XPO7: variants seen among roughly 807,000 people sequenced by gnomAD.
XPO7 encodes exportin 7, also known as exportin-7.
Under a neutral mutation model 144.3 loss-of-function variants are expected in XPO7, and 21 were observed. That is an observed-to-expected ratio of 0.15 (90% CI 0.10 to 0.21). The LOEUF (loss-of-function observed/expected upper bound fraction) is 0.21. XPO7 is among the 10% of genes least tolerant of loss of function. XPO7 has a pLI of 1.00. For missense variants in XPO7, 808 were observed against 1,325.8 expected (o/e 0.61, Z 6.06); for synonymous variants, 580 against 499.6 (o/e 1.16, Z -2.15).
At chr8:21,952,057 T>G (rs557915479) in intron 1 of XPO7, among the ~76,000 whole-genome samples, 9 of 152,318 alleles carry the variant, frequency 5.9e-5, no homozygotes, top group Non-Finnish European at 8.8e-5. Flanking sequence ...TCTCCTTTCC[T>G]AGGATGGCCT....
intron 24 of XPO7, among the ~76,000 whole-genome samples, chr8:22,000,532 A>C (rs1813106141): frequency 6.8e-6 from 1 of 146,860 alleles, no homozygotes; most frequent in African/African-American, 2.6e-5. Flanking sequence ...AGCTCACTGC[A>C]ACCTCTGCCT....
chr8:21,925,806 T>C (rs961990414), intron 1 of XPO7, among the ~76,000 whole-genome samples: 16 of 152,238 alleles, frequency 1.1e-4, no homozygotes, highest in Non-Finnish European at 1.9e-4. Flanking sequence ...TCAATTCATA[T>C]GTACATGTTT....
intron 17 of XPO7, 191 bp downstream of exon 17, chr8:21,990,598 T>C (rs1420592954): frequency 2.7e-6 from 2 of 736,486 alleles, no homozygotes; most frequent in Admixed American, 2.7e-5. Flanking sequence ...TGATGTGAGT[T>C]ATGGTGAAGT....
chr8:21,942,724 T>C (rs1186584168), intron 1 of XPO7, among the ~76,000 whole-genome samples: 2 of 152,248 alleles, frequency 1.3e-5, no homozygotes, highest in Admixed American at 6.5e-5. Context: ...ATCTGAACTT[T>C]CCTTACTCTT....
intron 15 of XPO7, chr8:21,988,737 G>C: frequency 2.2e-6 from 1 of 450,270 alleles, no homozygotes; most frequent in Non-Finnish European, 4.1e-6. Context: ...CAGCCCTGGA[G>C]TGCCCCAGAA....
At chr8:21,984,864 T>A (rs1248031934) in intron 12 of XPO7, 25 bp downstream of exon 12, 6 of 1,610,454 alleles carry the variant, frequency 3.7e-6, no homozygotes, top group Admixed American at 3.3e-5. Flanking sequence ...TGCTGGGAAC[T>A]CTAGACCTGT....
chr8:21,985,479 A>T, intron 12 of XPO7, 107 bp from the exon 13 acceptor site: 1 of 1,044,744 alleles, frequency 9.6e-7, no homozygotes. Context: ...GAAAAGTAAG[A>T]CTTCATGGTT....
At position 22,003,397 on chromosome 8, in the gene XPO7, G is replaced by A; in HGVS notation, c.3042+80G>A. 5 of 1,151,790 alleles carry A rather than the reference G, an allele frequency of 4.3e-6. No homozygotes were observed. In the East Asian group the frequency reaches 7.6e-5, roughly 17 times the overall value. 71.3% of individuals were successfully genotyped at this position (1,151,790 alleles called of 1,614,324 possible). A position where few individuals can be genotyped will look rare whatever the true frequency, so the allele number is the denominator to read the frequency against. On this transcript the variant is annotated intron_variant, in intron 26 of 27. Transcript: ENST00000252512. ...GGTATCACCAAGCCCTGGGAGAAAT[G>A]TGTATAGAAACACCCCACGGTGGTG... is the stretch of plus-strand genomic sequence containing the variant.
At chr8:21,941,879 C>G (rs1247339382) in intron 1 of XPO7, among the ~76,000 whole-genome samples, 1 of 152,112 alleles carries the variant, frequency 6.6e-6, no homozygotes, top group East Asian at 1.9e-4. Context: ...GAGTTGGGGT[C>G]TCAGGATGTT....
At position 21,920,436 on chromosome 8, in the gene XPO7, C is replaced by T. The variant is rs575590197; in HGVS notation, c.18+648C>T. The stretch of plus-strand genomic sequence containing the variant: ...CTCGGCCCGCCTCCCCTCGCGTCCC[C>T]CTAGCCACAGTGAAGGAGTTGAGCG... On this transcript the variant is annotated intron_variant, in intron 1 of 27. Transcript: ENST00000252512. 2.0e-5 allele frequency among the ~76,000 whole-genome samples: 3 copies of T among 152,276 alleles called. 1 individual carries two copies. The highest frequency in any genetic ancestry group is 3.9e-4 in the East Asian group (2 of 5,168).
At chr8:21,927,099 A>C (rs916837070) in intron 1 of XPO7, among the ~76,000 whole-genome samples, 20 of 152,196 alleles carry the variant, frequency 1.3e-4, no homozygotes, top group Admixed American at 5.2e-4. Flanking sequence ...GTATTTAAGG[A>C]CAGGCCAGGC....
At chr8:21,950,369 G>C (rs1811326943) in intron 1 of XPO7, among the ~76,000 whole-genome samples, 1 of 152,094 alleles carries the variant, frequency 6.6e-6, no homozygotes, top group Non-Finnish European at 1.5e-5. Context: ...ATTCATTGGT[G>C]GACTATTTCA....
chr8:21,994,313 AC>A (rs1812868839), intron 19 of XPO7, 49 bp from the exon 20 acceptor site: 2 of 1,403,734 alleles, frequency 1.4e-6, no homozygotes, highest in African/African-American at 2.8e-5. Flanking sequence ...TCAGATTGTT[AC>A]AGTTTTGTCT....
At chr8:22,003,438 G>A in intron 26 of XPO7, 121 bp downstream of exon 26, 1 of 704,632 alleles carries the variant, frequency 1.4e-6, no homozygotes, top group Non-Finnish European at 2.3e-6. Context: ...GGGAAAATGG[G>A]TCATTTACTG....
At chr8:21,934,098 A>C (rs1034204599) in intron 1 of XPO7, among the ~76,000 whole-genome samples, 2 of 152,230 alleles carry the variant, frequency 1.3e-5, no homozygotes, top group Non-Finnish European at 2.9e-5. Flanking sequence ...GCAGAGAACA[A>C]AATAGGCATG....
At chr8:21,986,359 G>T (rs990755767) in intron 13 of XPO7, among the ~76,000 whole-genome samples, 2 of 152,072 alleles carry the variant, frequency 1.3e-5, no homozygotes, top group Admixed American at 6.5e-5. Flanking sequence ...CACCATGTTG[G>T]CCAGGCTGGT....
intron 11 of XPO7, 49 bp downstream of exon 11, chr8:21,982,861 C>T: frequency 6.5e-7 from 1 of 1,539,918 alleles, no homozygotes; most frequent in Non-Finnish European, 8.7e-7. Flanking sequence ...CCTGTTGTCA[C>T]ACTTCCTAGA....
chr8:21,925,802 C>A (rs1006065968), intron 1 of XPO7, among the ~76,000 whole-genome samples: 1 of 152,186 alleles, frequency 6.6e-6, no homozygotes, highest in African/African-American at 2.4e-5. Flanking sequence ...GTTCTCAATT[C>A]ATATGTACAT....
rs1320589937 is a variant in XPO7 at position 22,004,039 on chromosome 8, A to G, written c.3170+9A>G. 6.2e-7 allele frequency: 1 copy of G among 1,613,834 alleles called. No homozygotes were observed. Among genetic ancestry groups the G allele is most frequent in the Admixed American group, 1.7e-5 (1 of 60,014 alleles). ...ACGAAAAACAGAGACAGGTGAGTAT[A>G]AAGCGTCCTGCCTAGAAATCTCAGA... On this transcript the variant is annotated intron_variant, in intron 27 of 27. Transcript: ENST00000252512.
Sources: gnomAD v4.1 joint callset for allele counts (sites outside exome capture counted in the v4.1 genomes callset) on GRCh38, gnomAD v4.1.1 for gene constraint, MANE v1.5 for transcripts, NCBI Gene and HGNC (gene_info 2026-07-23, HGNC 2026-07-21) for gene names.